TAF3: variants seen among roughly 807,000 people sequenced by gnomAD.
The protein encoded by TAF3 is transcription initiation factor TFIID subunit 3.
Under a neutral mutation model 80.6 loss-of-function variants are expected in TAF3, and 7 were observed. The ratio of observed to expected loss-of-function variants is 0.09; its 90% CI spans 0.05 to 0.16. The LOEUF (loss-of-function observed/expected upper bound fraction) is 0.16, where lower values mean the gene tolerates loss of function less well. Ranked by LOEUF, TAF3 falls within the 10% of genes least tolerant of loss-of-function variation. TAF3 has a pLI of 1.00. For missense variants in TAF3, 921 were observed against 1,140.2 expected, an observed-to-expected ratio of 0.81 and a Z score of 2.77; for synonymous variants, 444 against 446.1, an observed-to-expected ratio of 1.00 and a Z score of 0.06.
At chr10:7,962,015 A>G (rs989912434) in intron 2 of TAF3, among the ~76,000 whole-genome samples, 4 of 151,772 alleles carry the variant, frequency 2.6e-5, no homozygotes, top group African/African-American at 9.7e-5. Context: ...ACACCCAGCT[A>G]ATTTTTGTAT....
At chr10:7,905,805 C>T (rs1837603568) in intron 2 of TAF3, among the ~76,000 whole-genome samples, 1 of 152,090 alleles carries the variant, frequency 6.6e-6, no homozygotes, top group South Asian at 2.1e-4. Context: ...ATTGCTTGAA[C>T]CCGGGAGGTG....
At chr10:7,885,275 C>CG (rs1837399528) in intron 2 of TAF3, among the ~76,000 whole-genome samples, 3 of 150,822 alleles carry the variant, frequency 2.0e-5, no homozygotes, top group Admixed American at 2.0e-4. Context: ...CACACACACC[C>CG]CCACACACAC....
At chr10:7,870,966 A>C (rs935112749) in intron 2 of TAF3, among the ~76,000 whole-genome samples, 1 of 152,226 alleles carries the variant, frequency 6.6e-6, no homozygotes, top group African/African-American at 2.4e-5. Flanking sequence ...TATAATTTTC[A>C]TGACTTAGAT....
intron 2 of TAF3, among the ~76,000 whole-genome samples, chr10:7,872,213 A>AT (rs34945620): frequency 0.09 from 10,947 of 121,982 alleles, 502 homozygotes; most frequent in South Asian, 0.16. Context: ...TGTTGGGTTG[A>AT]TTTTTTTTTT....
intron 2 of TAF3, among the ~76,000 whole-genome samples, chr10:7,928,513 A>G (rs1350656533): frequency 6.6e-6 from 1 of 152,204 alleles, no homozygotes; most frequent in Non-Finnish European, 1.5e-5. Context: ...AGAGTATTTC[A>G]AACATATTTT....
chr10:7,936,670 T>C (rs1252843644), intron 2 of TAF3, among the ~76,000 whole-genome samples: 2 of 152,058 alleles, frequency 1.3e-5, no homozygotes, highest in African/African-American at 4.8e-5. Context: ...CTGATGAAAC[T>C]ACACTGGCAC....
intron 3 of TAF3, among the ~76,000 whole-genome samples, chr10:7,967,527 G>T (rs1259879490): frequency 6.6e-6 from 1 of 152,178 alleles, no homozygotes; most frequent in Admixed American, 6.5e-5. Flanking sequence ...GATCAGTTTT[G>T]CTGGGCTATG....
intron 2 of TAF3, among the ~76,000 whole-genome samples, chr10:7,876,429 TA>T (rs1227991134): frequency 6.6e-6 from 1 of 152,212 alleles, no homozygotes; most frequent in African/African-American, 2.4e-5. Context: ...GCAGGTATTT[TA>T]AAGTACATAT....
chr10:7,876,130 G>T (rs1837310225), intron 2 of TAF3, among the ~76,000 whole-genome samples: 1 of 151,934 alleles, frequency 6.6e-6, no homozygotes, highest in African/African-American at 2.4e-5. Flanking sequence ...GAACAAATCT[G>T]TACATAGATA....
At chr10:7,966,790 T>G (rs1831575664) in intron 3 of TAF3, among the ~76,000 whole-genome samples, 1 of 152,158 alleles carries the variant, frequency 6.6e-6, no homozygotes, top group Non-Finnish European at 1.5e-5. Context: ...CTGAGTGTAT[T>G]TGACAGCAGT....
At chr10:7,883,373 A>G (rs1381263416) in intron 2 of TAF3, among the ~76,000 whole-genome samples, 1 of 152,242 alleles carries the variant, frequency 6.6e-6, no homozygotes, top group Non-Finnish European at 1.5e-5. Flanking sequence ...CATCAGAAAT[A>G]CCGTAGACGG....
In TAF3 at chr10:7,910,479, C is replaced by G. The variant is rs577282698; in HGVS notation, c.410-53441C>G. ...CACTGCAACCTCCACCTCCCAGATTCAAGTGATTCTCCTGCTTCAGCCTCC... is the reference window on the plus strand; with the variant it reads ...CACTGCAACCTCCACCTCCCAGATTGAAGTGATTCTCCTGCTTCAGCCTCC... On this transcript the variant is annotated intron_variant, in intron 2 of 6. Coordinates refer to ENST00000344293, the MANE Select transcript of TAF3 (RefSeq NM_031923.4). Among the ~76,000 whole-genome samples, 421 of 152,264 alleles carry G rather than the reference C, an allele frequency of 2.8e-3. 1 individual carries two copies. Among genetic ancestry groups the G allele is most frequent in the African/African-American group, 9.5e-3 (395 of 41,552 alleles).
intron 1 of TAF3, among the ~76,000 whole-genome samples, chr10:7,822,132 A>T (rs1156816959): frequency 6.6e-6 from 1 of 152,156 alleles, no homozygotes; most frequent in African/African-American, 2.4e-5. Flanking sequence ...ATTTTAAGAA[A>T]ATTGTACTGA....
At chr10:7,932,242 A>C (rs1837875310) in intron 2 of TAF3, among the ~76,000 whole-genome samples, 1 of 152,224 alleles carries the variant, frequency 6.6e-6, no homozygotes, top group Non-Finnish European at 1.5e-5. Context: ...TGACCTGTGC[A>C]CTAAAGGGTA....
At chr10:7,981,470 G>C (rs1321341436) in intron 4 of TAF3, among the ~76,000 whole-genome samples, 1 of 152,160 alleles carries the variant, frequency 6.6e-6, no homozygotes, top group Admixed American at 6.5e-5. Context: ...TATTGGATCA[G>C]GTGATATTGG....
Position 7,826,750 on chromosome 10 carries a change from TCTC to T in TAF3, c.409+2194_409+2196del, listed in dbSNP as rs147583378. ...TACAGTAAGATGCTTGTCAAAACGT[TCTC>T]CTCTTCATAAGAAAAGGATATAAAA... On this transcript the variant is annotated intron_variant, in intron 2 of 6. Coordinates refer to ENST00000344293, the MANE Select transcript of TAF3 (RefSeq NM_031923.4). 4.6e-5 allele frequency among the ~76,000 whole-genome samples: 7 copies of T among 152,332 alleles called. No homozygotes were observed. In the East Asian group the frequency reaches 9.6e-4, roughly 21 times the overall value.
intron 1 of TAF3, among the ~76,000 whole-genome samples, chr10:7,819,882 G>C (rs1468669932): frequency 6.6e-6 from 1 of 152,098 alleles, no homozygotes; most frequent in Non-Finnish European, 1.5e-5. Context: ...TTTCGTTCCC[G>C]CTTCCACAGG....
intron 2 of TAF3, among the ~76,000 whole-genome samples, chr10:7,946,436 G>A (rs533843597): frequency 2.0e-5 from 3 of 152,300 alleles, no homozygotes; most frequent in Admixed American, 1.3e-4. Context: ...ATTTAAGAAG[G>A]TGGTGGGCCA....
intron 2 of TAF3, among the ~76,000 whole-genome samples, chr10:7,950,866 C>T (rs962336532): frequency 1.3e-5 from 2 of 152,150 alleles, no homozygotes; most frequent in Admixed American, 6.5e-5. Flanking sequence ...AAAATGGCCC[C>T]AAAGCATAGT....
Sources: gnomAD v4.1 joint callset for allele counts (sites outside exome capture counted in the v4.1 genomes callset) on GRCh38, gnomAD v4.1.1 for gene constraint, MANE v1.5 for transcripts, NCBI Gene and HGNC (gene_info 2026-07-23, HGNC 2026-07-21) for gene names.